RBFOX1: variants seen among roughly 807,000 people sequenced by gnomAD.
The protein encoded by RBFOX1 is RNA binding fox-1 homolog 1, also known as RNA binding protein fox-1 homolog 1.
RBFOX1 carries 8 observed loss-of-function variants against 57.7 expected under a neutral mutation model. The ratio of observed to expected loss-of-function variants is 0.14; its 90% CI spans 0.08 to 0.25. RBFOX1 has a LOEUF of 0.25. Among genes scored for constraint, RBFOX1 ranks in the 10% least tolerant of loss-of-function variants. RBFOX1 has a pLI of 1.00. For synonymous variants in RBFOX1, 326 were observed against 222.4 expected (o/e 1.47, Z -4.15); for missense variants, 611 against 548.5 (o/e 1.11, Z -1.14).
At position 5,946,781 on chromosome 16, in the gene RBFOX1, G is replaced by A. The variant is rs1456343676; in HGVS notation, c.351+79446G>A. On this transcript the variant is annotated intron_variant, in intron 4 of 19. Coordinates refer to the RBFOX1 transcript ENST00000641259. This position sits in a 1 kb window ranked among gnomAD's most constrained non-coding sequence, Gnocchi z 4.6. ...CCTGTGGAATCTGATTCTAACTCCA[G>A]GTGGATCATGTCAGAATTGAACTGT... is the stretch of plus-strand genomic sequence containing the variant. Among the ~76,000 whole-genome samples the A allele has an allele frequency of 2.6e-5, 4 of 152,180 alleles. No homozygotes were observed. The highest frequency in any genetic ancestry group is 9.6e-5 in the African/African-American group (4 of 41,452).
intron 3 of RBFOX1, among the ~76,000 whole-genome samples, chr16:6,701,348 T>C (rs1183316844): frequency 6.6e-6 from 1 of 152,216 alleles, no homozygotes. Context: ...ATTTGTGAGA[T>C]GCATCTCCCT....
At chr16:5,461,202 A>G (rs1361271579) in intron 1 of RBFOX1, among the ~76,000 whole-genome samples, 2 of 152,080 alleles carry the variant, frequency 1.3e-5, no homozygotes, top group Non-Finnish European at 2.9e-5. Context: ...ACCAGCAGAG[A>G]ATGGCTGCAT....
At chr16:7,195,741 C>G (rs1395583582) in intron 4 of RBFOX1, among the ~76,000 whole-genome samples, 1 of 151,970 alleles carries the variant, frequency 6.6e-6, no homozygotes, top group East Asian at 1.9e-4. Context: ...TTAGTAGAAA[C>G]GGGATTTCAC....
intron 2 of RBFOX1, among the ~76,000 whole-genome samples, chr16:6,352,003 C>A (rs2086489276): frequency 6.6e-6 from 1 of 152,094 alleles, no homozygotes; most frequent in African/African-American, 2.4e-5. Context: ...GCTGTATTTA[C>A]CCAAACCTAC....
chr16:7,460,474 CTAAT>C (rs1282821056), intron 4 of RBFOX1, among the ~76,000 whole-genome samples: 4 of 138,652 alleles, frequency 2.9e-5, no homozygotes, highest in Non-Finnish European at 4.6e-5. Context: ...TAATATATAT[CTAAT>C]TATGTATGCC....
At chr16:7,439,178 G>A (rs578215843) in intron 4 of RBFOX1, among the ~76,000 whole-genome samples, 39 of 152,216 alleles carry the variant, frequency 2.6e-4, no homozygotes, top group African/African-American at 7.5e-4. Flanking sequence ...GCGCTGTGTC[G>A]TCTTCACCAT....
At chr16:5,533,213 G>A (rs187320230) in intron 2 of RBFOX1, among the ~76,000 whole-genome samples, 13 of 152,194 alleles carry the variant, frequency 8.5e-5, no homozygotes, top group East Asian at 7.7e-4. Context: ...TAGGGGCTGC[G>A]GACTTTTGGA....
At chr16:6,952,932 C>T (rs950581687) in intron 3 of RBFOX1, among the ~76,000 whole-genome samples, 4 of 152,012 alleles carry the variant, frequency 2.6e-5, no homozygotes, top group African/African-American at 4.8e-5. Context: ...CCTATTGCCC[C>T]ATTGCACTCC....
chr16:5,849,538 G>A (rs1022125215), intron 3 of RBFOX1, among the ~76,000 whole-genome samples: 2 of 151,920 alleles, frequency 1.3e-5, no homozygotes, highest in Non-Finnish European at 2.9e-5. Flanking sequence ...TGATTCCATG[G>A]CCCCTCTGAT....
intron 4 of RBFOX1, among the ~76,000 whole-genome samples, chr16:7,292,739 C>G (rs1354934084): frequency 6.6e-6 from 1 of 151,928 alleles, no homozygotes; most frequent in Non-Finnish European, 1.5e-5. Context: ...TTACATGTCA[C>G]TCTACTGAAA....
intron 4 of RBFOX1, among the ~76,000 whole-genome samples, chr16:7,327,918 C>T (rs556731907): frequency 5.3e-5 from 8 of 152,232 alleles, no homozygotes; most frequent in African/African-American, 1.9e-4. Flanking sequence ...TGTTGACCGA[C>T]AGAATCCATG....
chr16:6,657,202 G>A (rs530207709), intron 3 of RBFOX1, among the ~76,000 whole-genome samples: 119 of 139,990 alleles, frequency 8.5e-4, no homozygotes, highest in African/African-American at 1.8e-3. Context: ...CCACTTTCTC[G>A]TCTTCCTTCC....
chr16:6,723,498 A>G (rs2066462157), intron 3 of RBFOX1, among the ~76,000 whole-genome samples: 1 of 152,226 alleles, frequency 6.6e-6, no homozygotes, highest in Non-Finnish European at 1.5e-5. Context: ...AAAAAATAAT[A>G]CAATTATAGA....
intron 4 of RBFOX1, among the ~76,000 whole-genome samples, chr16:7,469,375 T>C (rs1046251072): frequency 6.6e-6 from 1 of 152,096 alleles, no homozygotes; most frequent in African/African-American, 2.4e-5. Context: ...GCCTGAGTGA[T>C]TTTTAATTCC....
At chr16:6,835,220 A>T (rs2093004565) in intron 3 of RBFOX1, among the ~76,000 whole-genome samples, 1 of 152,096 alleles carries the variant, frequency 6.6e-6, no homozygotes, top group Non-Finnish European at 1.5e-5. Flanking sequence ...TCTCTTGTGA[A>T]GATGGCTCCG....
At chr16:5,426,115 A>C (rs945878059) in intron 1 of RBFOX1, among the ~76,000 whole-genome samples, 8 of 152,152 alleles carry the variant, frequency 5.3e-5, no homozygotes, top group African/African-American at 1.9e-4. Flanking sequence ...GTGAAATCCA[A>C]AGATGCTGTT....
chr16:5,693,369 A>G (rs2050751353), intron 3 of RBFOX1, among the ~76,000 whole-genome samples: 1 of 151,200 alleles, frequency 6.6e-6, no homozygotes, highest in South Asian at 2.1e-4. Context: ...AGGCAGATCA[A>G]AAAAAAAACA....
intron 3 of RBFOX1, among the ~76,000 whole-genome samples, chr16:6,779,324 A>G (rs954476430): frequency 1.3e-5 from 2 of 151,998 alleles, no homozygotes; most frequent in Admixed American, 6.6e-5. Context: ...AGTTGTGTCT[A>G]TGCTGTTTGA....
At chr16:7,522,884 G>C (rs1223774583) in intron 5 of RBFOX1, among the ~76,000 whole-genome samples, 1 of 152,152 alleles carries the variant, frequency 6.6e-6, no homozygotes, top group East Asian at 1.9e-4. Context: ...TATACACTTT[G>C]ATACATTTTT....
Sources: allele counts gnomAD v4.1 joint callset (sites outside exome capture counted in the v4.1 genomes callset), GRCh38; gene constraint gnomAD v4.1.1; non-coding constraint Gnocchi (gnomAD v3.1); transcripts MANE v1.5; gene names NCBI Gene and HGNC (gene_info 2026-07-23, HGNC 2026-07-21).